The following CYP11A1 variants were observed in gnomAD, a reference collection of about 807,000 sequenced individuals.
The protein encoded by CYP11A1 is cholesterol side-chain cleavage enzyme, mitochondrial.
CYP11A1 carries 25 observed loss-of-function variants against 51.9 expected under a neutral mutation model. The ratio of observed to expected loss-of-function variants is 0.48; its 90% CI spans 0.35 to 0.67. The LOEUF (loss-of-function observed/expected upper bound fraction) is 0.67, where lower values mean the gene tolerates loss of function less well. Ranked by LOEUF, CYP11A1 falls within the 30% of genes least tolerant of loss-of-function variation. The pLI is 0.00. For missense variants in CYP11A1, 578 were observed against 680.9 expected, an observed-to-expected ratio of 0.85 and a Z score of 1.68; for synonymous variants, 245 against 262.1, an observed-to-expected ratio of 0.93 and a Z score of 0.63.
chr15:74,367,366 C>A lies in CYP11A1; in HGVS notation c.220G>T (p.Val74Phe). Residue 74 changes from valine to phenylalanine, a missense_variant, in exon 1 of 9, where the codon GTC becomes TTC. Physicochemically the swap from Val to Phe is conservative, Grantham distance 50. Transcript: ENST00000268053. ...HFWRETGTHK[V>F]HLHHVQNFQK... The stretch of plus-strand genomic sequence containing the variant: ...AAATTCTGGACATGGTGAAGGTGGA[C>A]TTTGTGTGTGCCCGTCTCCCTCCAG... The A allele has an allele frequency of 6.2e-7, 1 of 1,614,136 alleles. No homozygotes were observed. Among genetic ancestry groups the A allele is most frequent in the South Asian group, 1.1e-5 (1 of 91,074 alleles).
At chr15:74,366,078 G>A (rs2060731560) in intron 1 of CYP11A1, 1 of 985,546 alleles carries the variant, frequency 1.0e-6, no homozygotes, top group South Asian at 4.7e-5. Context: ...GGGCTGTGTC[G>A]AGGGGAGGCG....
Position 74,366,052 on chromosome 15 carries a change from G to C in CYP11A1, c.269+1265C>G, listed in dbSNP as rs1294593541. 48 of 985,670 alleles carry C rather than the reference G, an allele frequency of 4.9e-5. 1 individual carries two copies. The South Asian group carries it at 1.9e-3, about 38-fold the overall frequency. 61.1% of individuals were successfully genotyped at this position (985,670 alleles called of 1,614,324 possible). ...CCTGAGGTAAACGCGGGTCGACCCGGGGGGCGGATGGGCTCGGGCTGTGTC... is the reference window on the plus strand; with the variant it reads ...CCTGAGGTAAACGCGGGTCGACCCGCGGGGCGGATGGGCTCGGGCTGTGTC... On this transcript the variant is annotated intron_variant, in intron 1 of 8. Transcript: ENST00000268053.
chr15:74,346,244 G>A (rs1027115821), intron 2 of CYP11A1, among the ~76,000 whole-genome samples: 1 of 151,078 alleles, frequency 6.6e-6, no homozygotes, highest in African/African-American at 2.4e-5. Flanking sequence ...TCCCAGCTAC[G>A]CCGGAGCTTG....
chr15:74,353,769 A>G (rs1437417048), intron 1 of CYP11A1, among the ~76,000 whole-genome samples: 1 of 152,076 alleles, frequency 6.6e-6, no homozygotes, highest in Non-Finnish European at 1.5e-5. Flanking sequence ...TTGCTTGTGT[A>G]TGCATGTATA....
chr15:74,358,522 T>G (rs764293191), intron 1 of CYP11A1, among the ~76,000 whole-genome samples: 3 of 152,170 alleles, frequency 2.0e-5, no homozygotes, highest in Non-Finnish European at 1.5e-5. Flanking sequence ...CAGGGTTCCA[T>G]CTGCTAGTCT....
intron 8 of CYP11A1, 179 bp downstream of exon 8, chr15:74,338,392 G>C (rs1272588038): frequency 1.3e-6 from 1 of 753,404 alleles, no homozygotes; most frequent in African/African-American, 1.7e-5. Flanking sequence ...ATGAGTGGTT[G>C]AGCCCGAAAG....
intron 1 of CYP11A1, chr15:74,350,909 T>C (rs939826089): frequency 2.0e-5 from 3 of 152,224 alleles, no homozygotes. Context: ...ACCGGTAACA[T>C]GTATTTTGGC....
At position 74,341,552 on chromosome 15, in the gene CYP11A1, G is replaced by A. The variant is rs1270192550; in HGVS notation, c.990+1425C>T. 7.2e-5 allele frequency among the ~76,000 whole-genome samples: 11 copies of A among 152,050 alleles called. No homozygotes were observed. In the South Asian group the frequency reaches 8.3e-4, roughly 11 times the overall value. ...TTAGCTCCTCTGTGGAGCCTTCTCC[G>A]TGTCCTTCATGGCCACATTAGCCAC... On this transcript the variant is annotated intron_variant, in intron 5 of 8. Coordinates refer to ENST00000268053, the MANE Select transcript of CYP11A1 (RefSeq NM_000781.3).
chr15:74,365,533 G>A, intron 1 of CYP11A1: 13 of 313,212 alleles, frequency 4.2e-5, no homozygotes, highest in Non-Finnish European at 6.0e-5. Context: ...GATGTAGGGA[G>A]GCATTTAGTA....
Position 74,345,245 on chromosome 15 carries a change from T to C in CYP11A1, c.426-2A>G, listed in dbSNP as rs754329273. On this transcript the variant is annotated splice_acceptor_variant, in intron 2 of 8. Transcript: ENST00000268053. LOFTEE classifies it high-confidence loss of function. This position sits in a 1 kb window ranked among gnomAD's most constrained non-coding sequence, Gnocchi z 4.3. Reference sequence around the variant, plus strand: ...TCTTTCTTCCAGGCTGCCGACTTCCTGAGAAAACATGGGCCCACAAGCCCT... The same window carrying C: ...TCTTTCTTCCAGGCTGCCGACTTCCCGAGAAAACATGGGCCCACAAGCCCT... The C allele has an allele frequency of 6.2e-6, 10 of 1,614,154 alleles. No homozygotes were observed. The highest frequency in any genetic ancestry group is 8.5e-6 in the Non-Finnish European group (10 of 1,180,022).
rs150405116 is a variant in CYP11A1, at chr15:74,345,135, G to C, written c.534C>G (p.Phe178Leu). ...TGATGCGCCTGTGCAGGACACTGAC[G>C]AAGTCCCGAGACACTGCATCCAACA... ...LPLLDAVSRD[F>L]VSVLHRRIKK... is the part of the protein sequence containing the mutation. Residue 178 changes from phenylalanine (F) to leucine (L), a missense_variant, in exon 3 of 9, where the codon TTC becomes TTG. Phe to Leu is a conservative substitution (Grantham distance 22). Transcript: ENST00000268053. The surrounding 1 kb of genome is among the most constrained non-coding windows in gnomAD (Gnocchi z 4.3). The C allele has an allele frequency of 6.2e-7, 1 of 1,614,074 alleles. No individual in the cohort carries two copies. The highest frequency in any genetic ancestry group is 1.7e-5 in the Admixed American group (1 of 60,006).
In CYP11A1 at chr15:74,339,713, C is replaced by T. The variant is rs749265373; in HGVS notation, c.1031G>A (p.Arg344His). 1.4e-5 allele frequency: 22 copies of T among 1,613,982 alleles called. No individual in the cohort carries two copies. Among genetic ancestry groups the T allele is most frequent in the Admixed American group, 1.0e-4 (6 of 59,998 alleles). ...CAGCATATCCTGCACCTTCAGGTTG[C>T]GTGCCATCTCATACAAGTGCCACTG... ...TLQWHLYEMARNLKVQDMLRA... is the reference protein window; with the variant it reads ...TLQWHLYEMAHNLKVQDMLRA... The change falls in exon 6 of 9, where the codon CGC becomes CAC. Residue 344 changes from arginine (R) to histidine (H), a missense_variant. Transcript: ENST00000268053.
chr15:74,367,242 G>T, intron 1 of CYP11A1, 75 bp downstream of exon 1: 2 of 1,545,026 alleles, frequency 1.3e-6, no homozygotes, highest in Non-Finnish European at 1.8e-6. Flanking sequence ...TGTTGGGGGA[G>T]TGGGGACTAC....
intron 5 of CYP11A1, among the ~76,000 whole-genome samples, chr15:74,342,410 AAG>A (rs756318973): frequency 2.5e-4 from 38 of 152,174 alleles, no homozygotes; most frequent in Non-Finnish European, 4.9e-4. Context: ...TATCCAAAGA[AAG>A]AAGTTTCTAG....
chr15:74,361,249 T>A (rs1273812664), intron 1 of CYP11A1: 1 of 179,742 alleles, frequency 5.6e-6, no homozygotes, highest in African/African-American at 2.4e-5. Flanking sequence ...TAAATCTTCT[T>A]TAGGTTATAT....
intron 1 of CYP11A1, among the ~76,000 whole-genome samples, chr15:74,364,825 GA>G (rs2060724658): frequency 6.6e-6 from 1 of 152,204 alleles, no homozygotes; most frequent in East Asian, 1.9e-4. Context: ...GCCTAGGAGA[GA>G]GGGGGAGGAA....
At chr15:74,347,473 T>A (rs1804750644) in intron 2 of CYP11A1, among the ~76,000 whole-genome samples, 1 of 152,186 alleles carries the variant, frequency 6.6e-6, no homozygotes, top group African/African-American at 2.4e-5. Flanking sequence ...AATACACTGA[T>A]CTGTCCCCAT....
chr15:74,348,094 A>C (rs747447743), intron 1 of CYP11A1, 39 bp from the exon 2 acceptor site: 12 of 1,609,240 alleles, frequency 7.5e-6, no homozygotes, highest in Non-Finnish European at 1.0e-5. Context: ...GAAGGATCCG[A>C]GGAGAGCTAT....
At position 74,338,575 on chromosome 15, in the gene CYP11A1, A is replaced by T; in HGVS notation, c.1430T>A (p.Ile477Asn). The change falls in exon 8 of 9, where the codon ATC (isoleucine) becomes AAC (asparagine). Residue 477 changes from isoleucine (I) to asparagine (N), a missense_variant. By Grantham distance (149) the Ile-to-Asn change is moderately radical. Coordinates refer to ENST00000268053, the MANE Select transcript of CYP11A1 (RefSeq NM_000781.3). ...GATGTCCCCAGCTTGACTCACATTG[A>T]TGAGGAAGATGGTCATCTCTAGCTC... ...IAELEMTIFL[I>N]NMLENFRVEI... The T allele has an allele frequency of 6.2e-7, 1 of 1,614,062 alleles. No homozygotes were observed.
Sources: allele counts gnomAD v4.1 joint callset (sites outside exome capture counted in the v4.1 genomes callset), GRCh38; gene constraint gnomAD v4.1.1; non-coding constraint Gnocchi (gnomAD v3.1); transcripts MANE v1.5; gene names NCBI Gene and HGNC (gene_info 2026-07-23, HGNC 2026-07-21).